The following DIP2C variants were observed in gnomAD, a reference collection of about 807,000 sequenced individuals.
The protein encoded by DIP2C is DIP2 acetate--CoA ligase C (putative), also known as disco-interacting protein 2 homolog C.
In DIP2C, 33 loss-of-function variants were observed where a neutral mutation model predicts 192.4. The observed-to-expected ratio is 0.17, with a 90% CI of 0.13 to 0.23. The LOEUF (loss-of-function observed/expected upper bound fraction) is 0.23, where lower values mean the gene tolerates loss of function less well. DIP2C is among the 10% of genes least tolerant of loss of function. The pLI is 1.00. For synonymous variants in DIP2C, 979 were observed against 864.1 expected, an observed-to-expected ratio of 1.13 and a Z score of -2.33; for missense variants, 1,537 against 2,110.1, an observed-to-expected ratio of 0.73 and a Z score of 5.32.
chr10:278,117 G>C (rs1050027951), intron 36 of DIP2C, among the ~76,000 whole-genome samples: 2 of 151,728 alleles, frequency 1.3e-5, no homozygotes, highest in African/African-American at 4.8e-5. Flanking sequence ...GACGCCGAGG[G>C]CATGGGTGCC....
chr10:613,601 T>C (rs535300384), intron 1 of DIP2C, among the ~76,000 whole-genome samples: 2 of 152,342 alleles, frequency 1.3e-5, no homozygotes, highest in East Asian at 1.9e-4. Flanking sequence ...TTCTAATTCA[T>C]GGTAATTGGG....
At chr10:556,078 A>ACACCCCCCCCCC (rs1848844199) in intron 1 of DIP2C, among the ~76,000 whole-genome samples, 1 of 117,306 alleles carries the variant, frequency 8.5e-6, no homozygotes, top group Non-Finnish European at 1.7e-5. Context: ...CCAGGACAGC[A>ACACCCCCCCCCC]CCCACCCACC....
chr10:376,265 G>A (rs1961572310), intron 17 of DIP2C, among the ~76,000 whole-genome samples: 1 of 138,868 alleles, frequency 7.2e-6, no homozygotes, highest in African/African-American at 2.9e-5. Context: ...GACAGAGCCG[G>A]CAGGGAGAAG....
intron 32 of DIP2C, among the ~76,000 whole-genome samples, chr10:304,086 C>T (rs1313845422): frequency 6.6e-6 from 1 of 152,130 alleles, no homozygotes; most frequent in African/African-American, 2.4e-5. Flanking sequence ...AGAGAATATG[C>T]TCTAAGATAA....
chr10:284,903 A>C (rs1327118939), intron 34 of DIP2C, among the ~76,000 whole-genome samples: 4 of 152,190 alleles, frequency 2.6e-5, no homozygotes, highest in Non-Finnish European at 5.9e-5. Context: ...ATTCTTAATA[A>C]GAAAGTCACC....
chr10:479,327 GCTTT>G (rs1843411222), intron 2 of DIP2C, among the ~76,000 whole-genome samples: 1 of 104,836 alleles, frequency 9.5e-6, no homozygotes, highest in Non-Finnish European at 2.0e-5. Flanking sequence ...TTCTCACACT[GCTTT>G]TTTTTTTTTT....
intron 28 of DIP2C, among the ~76,000 whole-genome samples, chr10:343,226 T>C (rs1371808704): frequency 6.6e-6 from 1 of 152,020 alleles, no homozygotes; most frequent in Non-Finnish European, 1.5e-5. Flanking sequence ...AGGGCGGAGG[T>C]TGCAGTGAGC....
intron 7 of DIP2C, among the ~76,000 whole-genome samples, chr10:414,348 C>T (rs1272385393): frequency 6.6e-6 from 1 of 152,100 alleles, no homozygotes; most frequent in Non-Finnish European, 1.5e-5. Flanking sequence ...TGGACCTGCA[C>T]ACAGCTGCAA....
At position 666,970 on chromosome 10, in the gene DIP2C, A is replaced by G. The variant is rs1857136447; in HGVS notation, c.85+22524T>C. 6.6e-6 allele frequency: 1 copy of G among 152,392 alleles called. No homozygotes were observed. The highest frequency in any genetic ancestry group is 6.5e-5 in the Admixed American group (1 of 15,282). The allele number at this position is 152,392 out of a possible 1,614,324, so 9.4% of individuals were successfully genotyped here. A position where few individuals can be genotyped will look rare whatever the true frequency, so the allele number is the denominator to read the frequency against. On this transcript the variant is annotated intron_variant, in intron 1 of 36. Coordinates refer to ENST00000280886, the MANE Select transcript of DIP2C (RefSeq NM_014974.3). The surrounding 1 kb of genome is among the most constrained non-coding windows in gnomAD (Gnocchi z 4.1). The stretch of plus-strand genomic sequence containing the variant: ...GCACCCACCCAGTCTCCTAATCATA[A>G]CAGACATTCACAGCAACACCACGAA...
chr10:490,972 A>C (rs181495192), intron 1 of DIP2C, among the ~76,000 whole-genome samples: 1 of 152,324 alleles, frequency 6.6e-6, no homozygotes, highest in East Asian at 1.9e-4. Context: ...TTTCTCACTT[A>C]TGTTGCAATC....
At chr10:665,965 T>G (rs761443751) in intron 1 of DIP2C, 3 of 152,066 alleles carry the variant, frequency 2.0e-5, no homozygotes, top group Non-Finnish European at 4.4e-5. Context: ...GACGCCGAAG[T>G]CTTTGCCGTG....
At chr10:470,189 T>G (rs904747753) in intron 3 of DIP2C, among the ~76,000 whole-genome samples, 3 of 152,088 alleles carry the variant, frequency 2.0e-5, no homozygotes, top group Non-Finnish European at 4.4e-5. Flanking sequence ...TACACAGACA[T>G]GCAGATAGAC....
At chr10:534,253 G>C (rs918180229) in intron 1 of DIP2C, among the ~76,000 whole-genome samples, 2 of 152,222 alleles carry the variant, frequency 1.3e-5, no homozygotes, top group Admixed American at 1.3e-4. Flanking sequence ...GCGAAACGGG[G>C]AGGTGCAACT....
chr10:642,117 A>G (rs1855225244), intron 1 of DIP2C, among the ~76,000 whole-genome samples: 1 of 152,210 alleles, frequency 6.6e-6, no homozygotes, highest in Non-Finnish European at 1.5e-5. Context: ...GATGAAGGAA[A>G]TTATTTTCCT....
intron 31 of DIP2C, among the ~76,000 whole-genome samples, chr10:314,007 C>T (rs1436889845): frequency 1.3e-5 from 2 of 152,168 alleles, no homozygotes; most frequent in Non-Finnish European, 2.9e-5. Context: ...CTCCAAAGAC[C>T]TGATACTGGG....
chr10:532,240 A>ACC (rs543453204), intron 1 of DIP2C, among the ~76,000 whole-genome samples: 1 of 152,040 alleles, frequency 6.6e-6, no homozygotes, highest in South Asian at 2.1e-4. Context: ...CCATCCAGTT[A>ACC]CCCACTCATG....
At chr10:664,851 T>C (rs1314066650) in intron 1 of DIP2C, 1 of 152,094 alleles carries the variant, frequency 6.6e-6, no homozygotes, top group African/African-American at 2.4e-5. Flanking sequence ...AACTTAATAC[T>C]AAATAGACGG....
intron 1 of DIP2C, among the ~76,000 whole-genome samples, chr10:568,266 CCA>C (rs1415416877): frequency 6.6e-6 from 1 of 152,160 alleles, no homozygotes; most frequent in Admixed American, 6.5e-5. Flanking sequence ...GGGATGGAAG[CCA>C]CACAGGACCT....
chr10:577,429 TTGTG>T (rs1850241020), intron 1 of DIP2C, among the ~76,000 whole-genome samples: 1 of 152,250 alleles, frequency 6.6e-6, no homozygotes, highest in Non-Finnish European at 1.5e-5. Context: ...TGCACACCTG[TTGTG>T]TGTACTTTCT....
Sources: allele counts gnomAD v4.1 joint callset (sites outside exome capture counted in the v4.1 genomes callset), GRCh38; gene constraint gnomAD v4.1.1; non-coding constraint Gnocchi (gnomAD v3.1); transcripts MANE v1.5; gene names NCBI Gene and HGNC (gene_info 2026-07-23, HGNC 2026-07-21).